CHN1: variants seen among roughly 807,000 people sequenced by gnomAD.
The protein encoded by CHN1 is N-chimaerin.
CHN1 carries 37 observed loss-of-function variants against 59.5 expected under a neutral mutation model. The observed-to-expected ratio is 0.62, with a 90% confidence interval of 0.48 to 0.82. The LOEUF is 0.82. Ranked by LOEUF, CHN1 falls within the 40% of genes least tolerant of loss-of-function variation. The pLI, the probability that CHN1 is intolerant of heterozygous loss-of-function variation, is 0.00. For missense variants in CHN1, 469 were observed against 571.0 expected, an observed-to-expected ratio of 0.82 and a Z score of 1.82; for synonymous variants, 206 against 200.4, an observed-to-expected ratio of 1.03 and a Z score of -0.24.
intron 1 of CHN1, among the ~76,000 whole-genome samples, chr2:174,965,944 G>C (rs1281156431): frequency 6.6e-6 from 1 of 152,138 alleles, no homozygotes; most frequent in Non-Finnish European, 1.5e-5. Context: ...AAACATCCAA[G>C]CTCTTTAATG....
chr2:174,984,722 T>C (rs1008801803), intron 1 of CHN1, among the ~76,000 whole-genome samples: 1 of 152,314 alleles, frequency 6.6e-6, no homozygotes, highest in Admixed American at 6.5e-5. Flanking sequence ...ACATAAATGA[T>C]GGTAACCTGA....
intron 5 of CHN1, among the ~76,000 whole-genome samples, chr2:174,891,710 G>A (rs1010017181): frequency 6.6e-6 from 1 of 151,740 alleles, no homozygotes; most frequent in African/African-American, 2.4e-5. Context: ...TGCACCTCAA[G>A]GAACTAGGGG....
chr2:174,934,223 G>T (rs143701677), intron 3 of CHN1, among the ~76,000 whole-genome samples: 1 of 152,280 alleles, frequency 6.6e-6, no homozygotes, highest in African/African-American at 2.4e-5. Context: ...GGAGCCCTGA[G>T]CTTGTTTTCT....
intron 3 of CHN1, among the ~76,000 whole-genome samples, chr2:174,932,277 C>T (rs999713157): frequency 4.6e-5 from 7 of 152,172 alleles, no homozygotes; most frequent in African/African-American, 1.4e-4. Context: ...GGCAAGACAA[C>T]TGTCCTACAT....
At chr2:174,832,455 T>C (rs1685911488) in intron 7 of CHN1, among the ~76,000 whole-genome samples, 1 of 152,078 alleles carries the variant, frequency 6.6e-6, no homozygotes, top group African/African-American at 2.4e-5. Context: ...TGATATAAAT[T>C]TCCTGATAAG....
chr2:174,918,638 C>T, intron 3 of CHN1, 73 bp from the exon 4 acceptor site: 2 of 1,229,078 alleles, frequency 1.6e-6, no homozygotes, highest in Non-Finnish European at 2.3e-6. Flanking sequence ...ACATTTTGTG[C>T]ATGTGACAAA....
In CHN1 at chr2:174,847,203, G is replaced by A. The variant is rs917517574; in HGVS notation, c.550-246C>T. On this transcript the variant is annotated intron_variant, in intron 6 of 12. Transcript: ENST00000409900. ...GATGATATCTATTCAGCTAACACAT[G>A]AGCATTCTGCCAGGCAGCACAGAAC... 8.1e-6 allele frequency: 12 copies of A among 1,479,392 alleles called. No individual in the cohort carries two copies. The African/African-American group carries it at 1.4e-4, about 17-fold the overall frequency. 91.6% of individuals were successfully genotyped at this position (1,479,392 alleles called of 1,614,324 possible).
intron 1 of CHN1, among the ~76,000 whole-genome samples, chr2:174,990,325 G>T (rs1691504786): frequency 6.9e-6 from 1 of 145,752 alleles, no homozygotes; most frequent in Non-Finnish European, 1.5e-5. Flanking sequence ...TCGTGGGGGG[G>T]TGCGGGGGGG....
intron 1 of CHN1, among the ~76,000 whole-genome samples, chr2:174,968,762 G>A (rs958215214): frequency 2.0e-5 from 3 of 152,178 alleles, no homozygotes; most frequent in African/African-American, 7.2e-5. Flanking sequence ...AAACTAACAA[G>A]TATAATACCA....
chr2:174,930,378 G>A (rs1051339999), intron 3 of CHN1, among the ~76,000 whole-genome samples: 1 of 152,240 alleles, frequency 6.6e-6, no homozygotes, highest in African/African-American at 2.4e-5. Context: ...GCAACCAGCA[G>A]GTGGGATCAC....
chr2:174,939,943 A>G (rs1412567800), intron 3 of CHN1, among the ~76,000 whole-genome samples: 8 of 152,212 alleles, frequency 5.3e-5, no homozygotes, highest in Non-Finnish European at 8.8e-5. Flanking sequence ...TCAAAGCTAT[A>G]TTGTGTTTTA....
intron 6 of CHN1, chr2:174,847,357 T>C (rs1686556988): frequency 7.8e-7 from 1 of 1,278,738 alleles, no homozygotes; most frequent in Non-Finnish European, 9.9e-7. Context: ...AAGGGATCTA[T>C]ATTCTAGCTT....
intron 7 of CHN1, among the ~76,000 whole-genome samples, chr2:174,833,068 T>C (rs980216169): frequency 6.6e-6 from 1 of 152,178 alleles, no homozygotes; most frequent in African/African-American, 2.4e-5. Flanking sequence ...TCTTGGTGAA[T>C]CTTCCAGTTC....
intron 3 of CHN1, among the ~76,000 whole-genome samples, chr2:174,929,352 C>T (rs913099885): frequency 2.0e-5 from 3 of 152,076 alleles, no homozygotes; most frequent in South Asian, 2.1e-4. Flanking sequence ...CCAAGGTGGG[C>T]GGATCACCTG....
chr2:174,870,602 G>A (rs952690016), intron 6 of CHN1, among the ~76,000 whole-genome samples: 6 of 152,182 alleles, frequency 3.9e-5, no homozygotes, highest in African/African-American at 9.7e-5. Flanking sequence ...AGAACTGCCC[G>A]CAAAGTTAGG....
rs112882729 is a variant in CHN1 at position 174,951,075 on chromosome 2, G to A, written c.58+1089C>T. Among the ~76,000 whole-genome samples, 456 of 152,252 alleles carry A rather than the reference G, an allele frequency of 3.0e-3. 12 individuals are homozygous for A. The South Asian group carries it at 0.052, about 17-fold the overall frequency. On this transcript the variant is annotated intron_variant, in intron 2 of 12. Transcript: ENST00000409900. Reference sequence around the variant, plus strand: ...ATTACAGGCATGAGCCACAGTGCCCGGCCAGAGAAGAATTTTAAATAGGCT... The same window carrying A: ...ATTACAGGCATGAGCCACAGTGCCCAGCCAGAGAAGAATTTTAAATAGGCT...
intron 1 of CHN1, among the ~76,000 whole-genome samples, chr2:174,987,071 G>A (rs1279033531): frequency 1.3e-5 from 2 of 152,114 alleles, no homozygotes; most frequent in Non-Finnish European, 2.9e-5. Flanking sequence ...TTTTTCTCCA[G>A]CTTACTTTAT....
At chr2:174,934,619 A>G (rs1689443577) in intron 3 of CHN1, among the ~76,000 whole-genome samples, 1 of 152,240 alleles carries the variant, frequency 6.6e-6, no homozygotes, top group Admixed American at 6.5e-5. Context: ...AGCATTAAGT[A>G]CCAACTTGAA....
intron 11 of CHN1, among the ~76,000 whole-genome samples, chr2:174,804,208 A>G (rs997127905): frequency 2.0e-5 from 3 of 152,014 alleles, no homozygotes; most frequent in African/African-American, 7.2e-5. Flanking sequence ...GGAGAAAGAC[A>G]GTGCTGGTGG....
Sources: allele counts gnomAD v4.1 joint callset (sites outside exome capture counted in the v4.1 genomes callset), GRCh38; gene constraint gnomAD v4.1.1; transcripts MANE v1.5; gene names NCBI Gene and HGNC (gene_info 2026-07-23, HGNC 2026-07-21).